The following ZC3H12C variants were observed in gnomAD, a reference collection of about 807,000 sequenced individuals.
The protein encoded by ZC3H12C is zinc finger CCCH-type containing 12C, also known as probable ribonuclease ZC3H12C.
ZC3H12C carries 20 observed loss-of-function variants against 76.3 expected under a neutral mutation model. That is an observed-to-expected ratio of 0.26 (90% CI 0.18 to 0.38). ZC3H12C has a LOEUF of 0.38. ZC3H12C is among the 10% of genes least tolerant of loss of function. The pLI is 1.00. For missense variants in ZC3H12C, 874 were observed against 1,086.5 expected, an observed-to-expected ratio of 0.80 and a Z score of 2.75; for synonymous variants, 352 against 399.6, an observed-to-expected ratio of 0.88 and a Z score of 1.42.
In ZC3H12C at chr11:110,137,289, C is replaced by T. The variant is rs770065243; in HGVS notation, c.648C>T (p.Asn216=). The change falls in exon 2 of 6, where the codon AAC becomes AAT. Residue 216 remains asparagine, a synonymous_variant. Coordinates refer to ENST00000278590, the MANE Select transcript of ZC3H12C (RefSeq NM_033390.2). ...SEADQTVSTI[N]TITRETSSLE... Reference sequence around the variant, plus strand: ...CTGATCAAACGGTTAGTACAATTAACACTATAACACGGGAAACTTCTTCCC... The same window carrying T: ...CTGATCAAACGGTTAGTACAATTAATACTATAACACGGGAAACTTCTTCCC... The T allele has an allele frequency of 6.2e-7, 1 of 1,613,946 alleles. No individual in the cohort carries two copies. The highest frequency in any genetic ancestry group is 1.7e-5 in the Admixed American group (1 of 60,010).
intron 1 of ZC3H12C, among the ~76,000 whole-genome samples, chr11:110,122,337 C>T (rs7112057): frequency 0.024 from 3,650 of 152,134 alleles, 154 homozygotes; most frequent in African/African-American, 0.083. Context: ...GTATAAAATA[C>T]GCATTTTTGG....
Position 110,168,661 on chromosome 11 carries a change from G to T in ZC3H12C, c.*2924G>T, listed in dbSNP as rs1305468082. ...TTACACAGTAACTAGCCAGTCTGTT[G>T]TCTCTGTGTCTTAGTCCAGAGGGAA... On this transcript the variant is annotated 3_prime_UTR_variant, in exon 6 of 6. Coordinates refer to ENST00000278590, the MANE Select transcript of ZC3H12C (RefSeq NM_033390.2). 6.6e-6 allele frequency: 1 copy of T among 152,162 alleles called. No individual in the cohort carries two copies. Among genetic ancestry groups the T allele is most frequent in the Admixed American group, 6.5e-5 (1 of 15,276 alleles). 9.4% of individuals were successfully genotyped at this position (152,162 alleles called of 1,614,324 possible).
At chr11:110,099,231 G>A (rs896674487) in intron 1 of ZC3H12C, among the ~76,000 whole-genome samples, 4 of 152,056 alleles carry the variant, frequency 2.6e-5, no homozygotes, top group African/African-American at 9.7e-5. Context: ...TGTGTTCTTA[G>A]GATGGAGTCC....
At position 110,099,362 on chromosome 11, in the gene ZC3H12C, G is replaced by A. The variant is rs569340751; in HGVS notation, c.21+5930G>A. On this transcript the variant is annotated intron_variant, in intron 1 of 5. Transcript: ENST00000278590. ...AGTCAGAGTACTGATTTCATCCCACGTTTGAGCCACTAAGTATTAACTTTG... is the reference window on the plus strand; with the variant it reads ...AGTCAGAGTACTGATTTCATCCCACATTTGAGCCACTAAGTATTAACTTTG... 2.4e-4 allele frequency among the ~76,000 whole-genome samples: 36 copies of A among 152,026 alleles called. 1 individual carries two copies. The highest frequency in any genetic ancestry group is 7.5e-4 in the African/African-American group (31 of 41,468).
At chr11:110,147,501 G>A (rs890370916) in intron 2 of ZC3H12C, among the ~76,000 whole-genome samples, 4 of 151,786 alleles carry the variant, frequency 2.6e-5, no homozygotes, top group African/African-American at 7.3e-5. Context: ...CCTAATGCTC[G>A]CGGGGCTTAA....
chr11:110,093,501 G>T (rs1272640074), intron 1 of ZC3H12C, 69 bp downstream of exon 1: 3 of 1,142,858 alleles, frequency 2.6e-6, no homozygotes, highest in Non-Finnish European at 3.3e-6. Flanking sequence ...GCCGGTCGTG[G>T]GGAGGGCCGC....
rs912746536 is a variant in ZC3H12C at position 110,166,441 on chromosome 11, T to C, written c.*704T>C. 1.3e-5 allele frequency: 2 copies of C among 152,208 alleles called. No homozygotes were observed. Among genetic ancestry groups the C allele is most frequent in the African/African-American group, 4.8e-5 (2 of 41,460 alleles). The allele number at this position is 152,208 out of a possible 1,614,324, so 9.4% of individuals were successfully genotyped here. A position where few individuals can be genotyped will look rare whatever the true frequency, so the allele number is the denominator to read the frequency against. ...TGTTAAGAAATTAGTTAATTTAATATGGTCAATTTAAAAGAAAGCAGATGC... is the reference window on the plus strand; with the variant it reads ...TGTTAAGAAATTAGTTAATTTAATACGGTCAATTTAAAAGAAAGCAGATGC... On this transcript the variant is annotated 3_prime_UTR_variant, in exon 6 of 6. Coordinates refer to ENST00000278590, the MANE Select transcript of ZC3H12C (RefSeq NM_033390.2).
intron 1 of ZC3H12C, among the ~76,000 whole-genome samples, chr11:110,118,956 G>A (rs886625116): frequency 6.6e-6 from 1 of 152,162 alleles, no homozygotes; most frequent in Non-Finnish European, 1.5e-5. Context: ...ACCTATTACT[G>A]TAGCACTATC....
chr11:110,120,052 G>C (rs973611358), intron 1 of ZC3H12C, among the ~76,000 whole-genome samples: 3 of 152,128 alleles, frequency 2.0e-5, no homozygotes, highest in African/African-American at 7.2e-5. Context: ...ACCATCACCT[G>C]ACATGTATTT....
At chr11:110,141,286 C>T (rs1306564863) in intron 2 of ZC3H12C, among the ~76,000 whole-genome samples, 1 of 152,116 alleles carries the variant, frequency 6.6e-6, no homozygotes, top group Non-Finnish European at 1.5e-5. Context: ...TAACTTTCCT[C>T]TGTATCAAGA....
intron 1 of ZC3H12C, among the ~76,000 whole-genome samples, chr11:110,115,803 G>A (rs935447733): frequency 1.4e-5 from 2 of 142,726 alleles, no homozygotes; most frequent in African/African-American, 2.6e-5. Flanking sequence ...CTCTGTCTCC[G>A]AGGCTGGGGT....
chr11:110,129,014 A>G (rs1861811462), intron 1 of ZC3H12C, among the ~76,000 whole-genome samples: 1 of 152,124 alleles, frequency 6.6e-6, no homozygotes, highest in South Asian at 2.1e-4. Flanking sequence ...AAGCGAGAAT[A>G]CTAGAGATGC....
intron 2 of ZC3H12C, among the ~76,000 whole-genome samples, chr11:110,149,149 A>T (rs1191671601): frequency 6.6e-6 from 1 of 152,182 alleles, no homozygotes; most frequent in Non-Finnish European, 1.5e-5. Context: ...TTGATGCCTG[A>T]CACAGACTTC....
intron 2 of ZC3H12C, among the ~76,000 whole-genome samples, chr11:110,144,526 T>C (rs1246541393): frequency 6.6e-6 from 1 of 152,182 alleles, no homozygotes; most frequent in Non-Finnish European, 1.5e-5. Flanking sequence ...GCCATCTCTA[T>C]TTGGAGTACT....
rs1862535041 is a variant in ZC3H12C, at chr11:110,164,290, T to G, written c.1256-51T>G. Reference sequence around the variant, plus strand: ...TAAAATCATAGGGCCAAACTGAGTTTTCAGGATCTGATGGTATGCTCCTTT... The same window carrying G: ...TAAAATCATAGGGCCAAACTGAGTTGTCAGGATCTGATGGTATGCTCCTTT... On this transcript the variant is annotated intron_variant, in intron 5 of 5. Transcript: ENST00000278590. The surrounding 1 kb of genome is among the most constrained non-coding windows in gnomAD (Gnocchi z 5.7). 1 of 1,471,412 alleles carries G rather than the reference T, an allele frequency of 6.8e-7. No homozygotes were observed. The highest frequency in any genetic ancestry group is 9.0e-7 in the Non-Finnish European group (1 of 1,108,544). The allele number at this position is 1,471,412 out of a possible 1,614,324, so 91.1% of individuals were successfully genotyped here.
chr11:110,138,220 G>A (rs965709105), intron 2 of ZC3H12C, among the ~76,000 whole-genome samples: 5 of 130,784 alleles, frequency 3.8e-5, no homozygotes, highest in South Asian at 2.4e-4. Context: ...ATTTCAGAGC[G>A]CTGTGAAGAT....
At chr11:110,129,710 C>T (rs967335589) in intron 1 of ZC3H12C, among the ~76,000 whole-genome samples, 16 of 152,154 alleles carry the variant, frequency 1.1e-4, no homozygotes, top group Non-Finnish European at 1.5e-4. Flanking sequence ...AGGGAATGTG[C>T]GTGCTTGTGT....
chr11:110,165,126 C>T lies in ZC3H12C; in HGVS notation c.2041C>T (p.His681Tyr). 6.2e-7 allele frequency: 1 copy of T among 1,613,812 alleles called. No individual in the cohort carries two copies. The highest frequency in any genetic ancestry group is 8.5e-7 in the Non-Finnish European group (1 of 1,179,904). ...TCCTCAACCGTTCCTGCAGAATTTC[C>T]ACGACCCCTTAACCAGAGGGCAAAG... is the stretch of plus-strand genomic sequence containing the variant. ...LNPQPFLQNF[H>Y]DPLTRGQSYS... is the part of the protein sequence containing the mutation. Residue 681 changes from histidine (H) to tyrosine (Y), a missense_variant, in exon 6 of 6, where the codon CAC (histidine) becomes TAC (tyrosine). This residue lies in a region of ZC3H12C where 395 missense variants were observed against 434.4 expected (regional missense o/e 0.91). Transcript: ENST00000278590.
intron 1 of ZC3H12C, among the ~76,000 whole-genome samples, chr11:110,094,524 A>G (rs975785761): frequency 2.6e-5 from 4 of 152,262 alleles, no homozygotes; most frequent in African/African-American, 4.8e-5. Context: ...CAAGAACCAC[A>G]AGAAGTCATA....
Sources: gnomAD v4.1 joint callset for allele counts (sites outside exome capture counted in the v4.1 genomes callset) on GRCh38, gnomAD v4.1.1 for gene constraint, gnomAD v4.1.1 regional missense constraint, Gnocchi (gnomAD v3.1) non-coding constraint, MANE v1.5 for transcripts, NCBI Gene and HGNC (gene_info 2026-07-23, HGNC 2026-07-21) for gene names.